Variants in CYP1B1 observed in about 807,000 individuals in gnomAD.
CYP1B1 encodes cytochrome P450 1B1.
Under a neutral mutation model 29.9 loss-of-function variants are expected in CYP1B1, and 22 were observed. That is an observed-to-expected ratio of 0.74 (90% CI 0.53 to 1.05). The LOEUF is 1.05. CYP1B1 is among the 50% of genes least tolerant of loss of function. The pLI, the probability that CYP1B1 is intolerant of heterozygous loss-of-function variation, is 0.00. For synonymous variants in CYP1B1, 375 were observed against 320.0 expected (o/e 1.17, Z -1.83); for missense variants, 883 against 746.9 (o/e 1.18, Z -2.12).
At chr2:38,072,778 G>C (rs887239115) in intron 2 of CYP1B1, among the ~76,000 whole-genome samples, 2 of 152,172 alleles carry the variant, frequency 1.3e-5, no homozygotes. Context: ...TTGTGTTGTA[G>C]AGTGAACGCA....
chr2:38,072,060 G>A (rs1040946129), intron 2 of CYP1B1, among the ~76,000 whole-genome samples: 3 of 152,142 alleles, frequency 2.0e-5, no homozygotes, highest in Non-Finnish European at 2.9e-5. Flanking sequence ...CACTGTTGAT[G>A]ATACAAACTG....
chr2:38,071,409 A>G (rs2125314943), intron 2 of CYP1B1, 99 bp from the exon 3 acceptor site: 3 of 1,119,410 alleles, frequency 2.7e-6, no homozygotes, highest in Non-Finnish European at 4.0e-6. Context: ...ACTTTTTCTT[A>G]AATAGGCTAT....
In CYP1B1 at chr2:38,071,085, G is replaced by T. The variant is rs1682423504; in HGVS notation, c.1269C>A (p.Asn423Lys). 6.2e-7 allele frequency: 1 copy of T among 1,612,686 alleles called. No individual in the cohort carries two copies. The highest frequency in any genetic ancestry group is 1.7e-5 in the Admixed American group (1 of 59,966). The change falls in exon 3 of 3, where the codon AAC (asparagine) becomes AAA (lysine). Residue 423 changes from asparagine to lysine, a missense_variant. Coordinates refer to ENST00000610745, the MANE Select transcript of CYP1B1 (RefSeq NM_000104.4). ...GTGGGTCATGATTCACAGACCACTGGTTGACAAAAACCACAGTGTCCTTGG... is the reference window on the plus strand; with the variant it reads ...GTGGGTCATGATTCACAGACCACTGTTTGACAAAAACCACAGTGTCCTTGG... ...HIPKDTVVFVNQWSVNHDPLK... is the reference protein window; with the variant it reads ...HIPKDTVVFVKQWSVNHDPLK...
At position 38,070,541 on chromosome 2, in the gene CYP1B1, C is replaced by G. The variant is rs1682406178; in HGVS notation, c.*181G>C. The G allele has an allele frequency of 1.6e-6, 1 of 629,214 alleles. No individual in the cohort carries two copies. Among genetic ancestry groups the G allele is most frequent in the Non-Finnish European group, 2.8e-6 (1 of 358,044 alleles). 39.0% of individuals were successfully genotyped at this position (629,214 alleles called of 1,614,324 possible). A position where few individuals can be genotyped will look rare whatever the true frequency, so the allele number is the denominator to read the frequency against. Reference sequence around the variant, plus strand: ...AAATCTCCCAGAAGCTCCTGCATAGCCCACTACTCATGAAGAACCGCTGGG... The same window carrying G: ...AAATCTCCCAGAAGCTCCTGCATAGGCCACTACTCATGAAGAACCGCTGGG... On this transcript the variant is annotated 3_prime_UTR_variant, in exon 3 of 3. Transcript: ENST00000610745.
Position 38,075,165 on chromosome 2 carries a change from G to A in CYP1B1, c.224C>T (p.Ala75Val), listed in dbSNP as rs758852292. ...GTCGCCGTAGCGCCGCGCCAGGCGA[G>A]CGAACGAGAGGTGAGCCGCCTGGCC... ...AVGQAAHLSF[A>V]RLARRYGDVF... is the part of the protein sequence containing the mutation. The change falls in exon 2 of 3, where the codon GCT becomes GTT. Residue 75 changes from alanine to valine, a missense_variant. Coordinates refer to ENST00000610745, the MANE Select transcript of CYP1B1 (RefSeq NM_000104.4). The A allele has an allele frequency of 3.2e-6, 5 of 1,570,626 alleles. No individual in the cohort carries two copies. The highest frequency in any genetic ancestry group is 1.1e-5 in the South Asian group (1 of 87,960).
chr2:38,072,074 C>A (rs897050120), intron 2 of CYP1B1, among the ~76,000 whole-genome samples: 6 of 152,142 alleles, frequency 3.9e-5, no homozygotes, highest in East Asian at 3.8e-4. Flanking sequence ...CAAACTGATA[C>A]AATCTTTTTA....
At position 38,070,908 on chromosome 2, in the gene CYP1B1, G is replaced by C. The variant is rs754617543; in HGVS notation, c.1446C>G (p.Leu482=). Residue 482 remains leucine, a synonymous_variant, in exon 3 of 3, where the codon CTC becomes CTG. Transcript: ENST00000610745. The stretch of plus-strand genomic sequence containing the variant: ...ACTGGTGAGCCAGGATGGAGATGAA[G>C]AGAAAAAGCTGCATCTTAGAAAGTT... ...GEELSKMQLF[L]FISILAHQCD... is the part of the protein sequence containing the mutation. The C allele has an allele frequency of 2.6e-5, 42 of 1,613,946 alleles. No individual in the cohort carries two copies. The South Asian group carries it at 3.7e-4, about 14-fold the overall frequency.
intron 1 of CYP1B1, 64 bp from the exon 2 acceptor site, chr2:38,075,453 C>A (rs1439215448): frequency 2.0e-6 from 3 of 1,535,590 alleles, no homozygotes; most frequent in Non-Finnish European, 2.7e-6. Context: ...GCGCCCCACG[C>A]CCCTACCCCA....
chr2:38,075,251 C>T lies in CYP1B1; in HGVS notation c.138G>A (p.Gln46=). ...GQRLLRQRRR[Q]LRSAPPGPFA... ...ACGGGCCCGGGGGCGCGGACCGGAG[C>T]TGCCGCCTCCGTTGCCTCAGCAGCC... Residue 46 remains glutamine, a synonymous_variant, in exon 2 of 3, where the codon CAG becomes CAA. Transcript: ENST00000610745. 2 of 1,597,252 alleles carry T rather than the reference C, an allele frequency of 1.3e-6. No individual in the cohort carries two copies. Among genetic ancestry groups the T allele is most frequent in the Non-Finnish European group, 1.7e-6 (2 of 1,175,790 alleles).
Position 38,071,240 on chromosome 2 carries a change from T to A in CYP1B1, c.1114A>T (p.Met372Leu), listed in dbSNP as rs4398252. The change falls in exon 3 of 3, where the codon ATG becomes TTG. Residue 372 changes from methionine (M) to leucine (L), a missense_variant. By Grantham distance (15) the Met-to-Leu change is conservative. Transcript: ENST00000610745. ...TAGGGCAGGTTGGGCTGGTCACCCA[T>A]ACAAGGCAGACGGTCCCTCCCCACG... ...QVVGRDRLPC[M>L]GDQPNLPYVL... The A allele has an allele frequency of 1.9e-6, 3 of 1,613,042 alleles. No homozygotes were observed. The highest frequency in any genetic ancestry group is 2.7e-5 in the African/African-American group (2 of 74,914).
Position 38,075,664 on chromosome 2 carries a change from T to C in CYP1B1, c.-2+116A>G, listed in dbSNP as rs1216271498. 4 of 557,076 alleles carry C rather than the reference T, an allele frequency of 7.2e-6. No homozygotes were observed. In the East Asian group the frequency reaches 9.2e-5, roughly 13 times the overall value. The allele number at this position is 557,076 out of a possible 1,614,324, so 34.5% of individuals were successfully genotyped here. ...GGTTCCTGCAATCTGGGGACAACGC[T>C]GCGGGCATCGAGGCGGTGGCGCTTG... On this transcript the variant is annotated intron_variant, in intron 1 of 2. Transcript: ENST00000610745.
At position 38,069,406 on chromosome 2, in the gene CYP1B1, T is replaced by G. The variant is rs1349221887; in HGVS notation, c.*1316A>C. Reference sequence around the variant, plus strand: ...CAGACACAGCTTAGATTTCTCTGCCTTCCACAGGAGAATGTTCAGATTTCC... The same window carrying G: ...CAGACACAGCTTAGATTTCTCTGCCGTCCACAGGAGAATGTTCAGATTTCC... On this transcript the variant is annotated 3_prime_UTR_variant, in exon 3 of 3. Transcript: ENST00000610745. 1 of 213,548 alleles carries G rather than the reference T, an allele frequency of 4.7e-6. No individual in the cohort carries two copies. Among genetic ancestry groups the G allele is most frequent in the African/African-American group, 2.3e-5 (1 of 44,232 alleles). The allele number at this position is 213,548 out of a possible 1,614,324, so 13.2% of individuals were successfully genotyped here. A position where few individuals can be genotyped will look rare whatever the true frequency, so the allele number is the denominator to read the frequency against.
rs1558603392 is a variant in CYP1B1, at chr2:38,074,597, G to A, written c.792C>T (p.Leu264=). The A allele has an allele frequency of 6.2e-7, 1 of 1,613,104 alleles. No homozygotes were observed. The highest frequency in any genetic ancestry group is 8.5e-7 in the Non-Finnish European group (1 of 1,179,770). ...GGATGAAGTTGCTGAAGTTGCGGTT[G>A]AGCTGCTCGAATTCGCGGAAAACGG... ...VRTVFREFEQ[L]NRNFSNFILD... is the part of the protein sequence containing the mutation. The change falls in exon 2 of 3, where the codon CTC becomes CTT. Residue 264 remains leucine (L), a synonymous_variant. Coordinates refer to ENST00000610745, the MANE Select transcript of CYP1B1 (RefSeq NM_000104.4).
In CYP1B1 at chr2:38,070,118, A is replaced by AC. The variant is rs1249215663; in HGVS notation, c.*603dup. 9.2e-6 allele frequency: 2 copies of AC among 218,534 alleles called. No individual in the cohort carries two copies. The highest frequency in any genetic ancestry group is 1.8e-5 in the Non-Finnish European group (2 of 108,740). The allele number at this position is 218,534 out of a possible 1,614,324, so 13.5% of individuals were successfully genotyped here. A position where few individuals can be genotyped will look rare whatever the true frequency, so the allele number is the denominator to read the frequency against. ...TTTATCCTTAAAAGTAAGGAAGTAT[A>AC]CCAGAAGGCAAAAGGATAAATCCAC... is the stretch of plus-strand genomic sequence containing the variant. On this transcript the variant is annotated 3_prime_UTR_variant, in exon 3 of 3. Transcript: ENST00000610745.
At position 38,070,486 on chromosome 2, in the gene CYP1B1, C is replaced by A; in HGVS notation, c.*236G>T. 1 of 556,558 alleles carries A rather than the reference C, an allele frequency of 1.8e-6. No individual in the cohort carries two copies. Among genetic ancestry groups the A allele is most frequent in the South Asian group, 2.1e-5 (1 of 47,394 alleles). 34.5% of individuals were successfully genotyped at this position (556,558 alleles called of 1,614,324 possible). On this transcript the variant is annotated 3_prime_UTR_variant, in exon 3 of 3. Coordinates refer to ENST00000610745, the MANE Select transcript of CYP1B1 (RefSeq NM_000104.4). ...AAGATGCAGTATGTATATAATAATT[C>A]ATTGGGCCCTTTAAGTCTTTGACTC...
At position 38,075,177 on chromosome 2, in the gene CYP1B1, T is replaced by G; in HGVS notation, c.212A>C (p.His71Pro). 1 of 1,568,238 alleles carries G rather than the reference T, an allele frequency of 6.4e-7. No homozygotes were observed. The highest frequency in any genetic ancestry group is 2.3e-5 in the East Asian group (1 of 43,424). Residue 71 changes from histidine (H) to proline (P), a missense_variant, in exon 2 of 3, where the codon CAC becomes CCC. By Grantham distance (77) the His-to-Pro change is moderately conservative. Transcript: ENST00000610745. ...GNAAAVGQAAHLSFARLARRY... is the reference protein window; with the variant it reads ...GNAAAVGQAAPLSFARLARRY... ...CCGCGCCAGGCGAGCGAACGAGAGG[T>G]GAGCCGCCTGGCCCACCGCCGCCGC...
At position 38,074,534 on chromosome 2, in the gene CYP1B1, G is replaced by C; in HGVS notation, c.855C>G (p.Pro285=). The change falls in exon 2 of 3, where the codon CCC becomes CCG. Residue 285 remains proline (P), a synonymous_variant. Transcript: ENST00000610745. ...CCATCATGTCGCGGGGGGCGGCCCC[G>C]GGCCGAAGGCTTTCGCAGTGCCTCA... ...KFLRHCESLR[P]GAAPRDMMDA... 1.2e-6 allele frequency: 2 copies of C among 1,607,656 alleles called. No individual in the cohort carries two copies. The highest frequency in any genetic ancestry group is 1.7e-6 in the Non-Finnish European group (2 of 1,177,266).
chr2:38,075,406 G>C lies in CYP1B1; in HGVS notation c.-1-17C>G, dbSNP rs376239758. 5.0e-6 allele frequency: 8 copies of C among 1,609,540 alleles called. No homozygotes were observed. In the African/African-American group the frequency reaches 1.1e-4, roughly 21 times the overall value. On this transcript the variant is annotated splice_polypyrimidine_tract_variant and intron_variant, in intron 1 of 2. Coordinates refer to ENST00000610745, the MANE Select transcript of CYP1B1 (RefSeq NM_000104.4). ...GTGCCCATGCTGGGGACAGAGAGGA[G>C]AAGGCGTGACACTCAGGGGTGCAGA... is the stretch of plus-strand genomic sequence containing the variant.
chr2:38,072,285 G>A (rs984488437), intron 2 of CYP1B1, among the ~76,000 whole-genome samples: 4 of 152,228 alleles, frequency 2.6e-5, no homozygotes, highest in Non-Finnish European at 4.4e-5. Context: ...CTACCTGCCA[G>A]ACAGCGGCGG....
Sources: allele counts gnomAD v4.1 joint callset (sites outside exome capture counted in the v4.1 genomes callset), GRCh38; gene constraint gnomAD v4.1.1; transcripts MANE v1.5; gene names NCBI Gene and HGNC (gene_info 2026-07-23, HGNC 2026-07-21).